The following WNT7B variants were observed in gnomAD, a reference collection of about 807,000 sequenced individuals.
WNT7B encodes protein Wnt-7b.
In WNT7B, 19 loss-of-function variants were observed where a neutral mutation model predicts 38.2. The observed-to-expected ratio is 0.50, with a 90% confidence interval of 0.35 to 0.73. The LOEUF is 0.73. Ranked by LOEUF, WNT7B falls within the 30% of genes least tolerant of loss-of-function variation. The pLI is 0.01. For synonymous variants in WNT7B, 243 were observed against 209.3 expected, an observed-to-expected ratio of 1.16 and a Z score of -1.39; for missense variants, 423 against 507.9, an observed-to-expected ratio of 0.83 and a Z score of 1.61.
chr22:45,923,652 A>G (rs2146701972), intron 3 of WNT7B, among the ~76,000 whole-genome samples: 1 of 152,298 alleles, frequency 6.6e-6, no homozygotes, highest in Admixed American at 6.5e-5. Flanking sequence ...TATCCTGGTC[A>G]TGCACTGGTG....
At chr22:45,943,045 AGCAT>A (rs1931701068) in intron 2 of WNT7B, among the ~76,000 whole-genome samples, 1 of 138,032 alleles carries the variant, frequency 7.2e-6, no homozygotes, top group South Asian at 2.1e-4. Context: ...GCGTGTGTGC[AGCAT>A]GCATGTGTGT....
chr22:45,956,455 G>A (rs913203233), intron 1 of WNT7B, among the ~76,000 whole-genome samples: 3 of 152,142 alleles, frequency 2.0e-5, no homozygotes, highest in South Asian at 2.1e-4. Flanking sequence ...TCATCTATGG[G>A]GCCCCAAGCC....
chr22:45,953,669 C>CAAACAA (rs1569120736), intron 1 of WNT7B, among the ~76,000 whole-genome samples: 1 of 144,386 alleles, frequency 6.9e-6, no homozygotes, highest in Non-Finnish European at 1.5e-5. Context: ...TGGGGAAGGG[C>CAAACAA]AAACCAAAAC....
rs1332745926 is a variant in WNT7B at position 45,966,087 on chromosome 22, G to T, written c.71+10597C>A. On this transcript the variant is annotated intron_variant, in intron 1 of 3. Coordinates refer to ENST00000339464, the MANE Select transcript of WNT7B (RefSeq NM_058238.3). This position sits in a 1 kb window ranked among gnomAD's most constrained non-coding sequence, Gnocchi z 4.2. ...GGGCCTCTCCTAGCTCCCCTTCTCT[G>T]GCAGCCCGAGGGGGACACAGATTCC... Among the ~76,000 whole-genome samples the T allele has an allele frequency of 6.6e-6, 1 of 152,128 alleles. No individual in the cohort carries two copies. Among genetic ancestry groups the T allele is most frequent in the Non-Finnish European group, 1.5e-5 (1 of 68,026 alleles).
chr22:45,972,475 C>G (rs966737660), intron 1 of WNT7B: 19 of 191,584 alleles, frequency 9.9e-5, no homozygotes, highest in Non-Finnish European at 1.6e-4. Context: ...GGGACCCGGC[C>G]GGGGGCAGCG....
chr22:45,925,835 G>C, intron 3 of WNT7B: 5 of 985,420 alleles, frequency 5.1e-6, no homozygotes, highest in Non-Finnish European at 6.0e-6. Flanking sequence ...GATGGGCCTG[G>C]ATGGCCGGAG....
chr22:45,972,258 G>A (rs949536843), intron 1 of WNT7B: 7 of 627,992 alleles, frequency 1.1e-5, no homozygotes, highest in African/African-American at 5.8e-5. Flanking sequence ...CGTGCCTGGC[G>A]GGGCTGAACA....
At chr22:45,962,811 T>C (rs544161950) in intron 1 of WNT7B, among the ~76,000 whole-genome samples, 2 of 152,330 alleles carry the variant, frequency 1.3e-5, no homozygotes, top group Non-Finnish European at 2.9e-5. Flanking sequence ...AGGGGCGCCT[T>C]GCAGGCCTGG....
At chr22:45,943,787 C>T (rs368911697) in intron 2 of WNT7B, among the ~76,000 whole-genome samples, 2 of 152,190 alleles carry the variant, frequency 1.3e-5, no homozygotes, top group Non-Finnish European at 2.9e-5. Context: ...CCAGCCCAGG[C>T]GGGGGCTACC....
At chr22:45,963,602 T>A (rs1932244614) in intron 1 of WNT7B, among the ~76,000 whole-genome samples, 1 of 152,140 alleles carries the variant, frequency 6.6e-6, no homozygotes, top group Admixed American at 6.5e-5. Flanking sequence ...TGGCAGTGGT[T>A]TGGTATCAGA....
chr22:45,931,994 A>G (rs943391710), intron 2 of WNT7B, among the ~76,000 whole-genome samples: 1 of 152,108 alleles, frequency 6.6e-6, no homozygotes, highest in Non-Finnish European at 1.5e-5. Context: ...GTCCGTCTCC[A>G]GATCCTCGGC....
chr22:45,953,505 T>A (rs1166448320), intron 1 of WNT7B, among the ~76,000 whole-genome samples: 1 of 152,098 alleles, frequency 6.6e-6, no homozygotes. Context: ...AACAAGTCAG[T>A]ACTTAAGAAC....
At position 45,966,695 on chromosome 22, in the gene WNT7B, A is replaced by C. The variant is rs922309749; in HGVS notation, c.71+9989T>G. 3.3e-5 allele frequency among the ~76,000 whole-genome samples: 5 copies of C among 152,190 alleles called. No homozygotes were observed. The highest frequency in any genetic ancestry group is 1.2e-4 in the African/African-American group (5 of 41,454). ...GTTAGTGTCTTCTGCACACAGCCTCAGACCCAGCCTCGTGGCAGCTCCAGC... is the reference window on the plus strand; with the variant it reads ...GTTAGTGTCTTCTGCACACAGCCTCCGACCCAGCCTCGTGGCAGCTCCAGC... On this transcript the variant is annotated intron_variant, in intron 1 of 3. Coordinates refer to ENST00000339464, the MANE Select transcript of WNT7B (RefSeq NM_058238.3). The surrounding 1 kb of genome is among the most constrained non-coding windows in gnomAD (Gnocchi z 4.2).
intron 3 of WNT7B, among the ~76,000 whole-genome samples, chr22:45,929,096 A>G (rs932110803): frequency 6.6e-6 from 1 of 152,202 alleles, no homozygotes; most frequent in African/African-American, 2.4e-5. Flanking sequence ...GGCTCTGCTC[A>G]GAACCTAAGC....
Position 45,940,583 on chromosome 22 carries a change from C to T in WNT7B, c.299-9214G>A, listed in dbSNP as rs912179071. 2.0e-5 allele frequency among the ~76,000 whole-genome samples: 3 copies of T among 152,232 alleles called. No homozygotes were observed. In the East Asian group the frequency reaches 5.8e-4, roughly 29 times the overall value. On this transcript the variant is annotated intron_variant, in intron 2 of 3. Coordinates refer to ENST00000339464, the MANE Select transcript of WNT7B (RefSeq NM_058238.3). ...GGGGTGAGGCTCTCAGCCTCCCATC[C>T]ATCAAGTAGTTGCCCAAGGTCAAGT...
chr22:45,972,373 C>CGGG, intron 1 of WNT7B: 1 of 329,534 alleles, frequency 3.0e-6, no homozygotes, highest in Non-Finnish European at 5.5e-6. Context: ...CTCGTGGGCC[C>CGGG]GGGCGCAGTT....
chr22:45,922,820 GTT>G lies in WNT7B; in HGVS notation c.*34_*35del, dbSNP rs754870032. The G allele has an allele frequency of 6.4e-7, 1 of 1,566,954 alleles. No individual in the cohort carries two copies. The highest frequency in any genetic ancestry group is 8.7e-7 in the Non-Finnish European group (1 of 1,153,290). On this transcript the variant is annotated 3_prime_UTR_variant, in exon 4 of 4. Coordinates refer to ENST00000339464, the MANE Select transcript of WNT7B (RefSeq NM_058238.3). ...GAGTGGATGTGCAAAATGCCGCCGG[GTT>G]CCAGGGTGCCCGCGGCCGCCTCCGG...
At chr22:45,933,332 C>T (rs1931427014) in intron 2 of WNT7B, among the ~76,000 whole-genome samples, 1 of 152,250 alleles carries the variant, frequency 6.6e-6, no homozygotes, top group South Asian at 2.1e-4. Flanking sequence ...GGGCCTCATC[C>T]TGCCAGCCTC....
chr22:45,941,089 A>G (rs1416577363), intron 2 of WNT7B, among the ~76,000 whole-genome samples: 1 of 152,202 alleles, frequency 6.6e-6, no homozygotes, highest in Non-Finnish European at 1.5e-5. Context: ...AGGCCTGTGC[A>G]AGGGTTTGGG....
Sources: allele counts gnomAD v4.1 joint callset (sites outside exome capture counted in the v4.1 genomes callset), GRCh38; gene constraint gnomAD v4.1.1; non-coding constraint Gnocchi (gnomAD v3.1); transcripts MANE v1.5; gene names NCBI Gene and HGNC (gene_info 2026-07-23, HGNC 2026-07-21).